HDAC9: variants seen among roughly 807,000 people sequenced by gnomAD.
HDAC9 encodes MEF-2 interacting transcription repressor (MITR) protein.
A neutral mutation model predicts 139.4 loss-of-function variants in HDAC9; 41 were observed. The ratio of observed to expected loss-of-function variants is 0.29; its 90% CI spans 0.23 to 0.38. HDAC9 has a LOEUF of 0.38. Among genes scored for constraint, HDAC9 ranks in the 10% least tolerant of loss-of-function variants. The pLI, the probability that HDAC9 is intolerant of heterozygous loss-of-function variation, is 1.00. For synonymous variants in HDAC9, 517 were observed against 476.2 expected, an observed-to-expected ratio of 1.09 and a Z score of -1.12; for missense variants, 1,147 against 1,297.0, an observed-to-expected ratio of 0.88 and a Z score of 1.78.
chr7:18,957,735 C>T (rs1585406952), intron 24 of HDAC9, among the ~76,000 whole-genome samples: 4 of 152,260 alleles, frequency 2.6e-5, no homozygotes, highest in Middle Eastern at 3.4e-3. Context: ...TGAAGGTAGT[C>T]CTTGTTCAAC....
chr7:18,258,680 A>G (rs1428579731), intron 2 of HDAC9, among the ~76,000 whole-genome samples: 1 of 152,224 alleles, frequency 6.6e-6, no homozygotes, highest in African/African-American at 2.4e-5. Context: ...TTACAAAGTT[A>G]AGAATTGAAC....
chr7:18,954,282 A>G, intron 24 of HDAC9, 52 bp downstream of exon 24: 1 of 1,116,936 alleles, frequency 9.0e-7, no homozygotes, highest in Non-Finnish European at 1.3e-6. Context: ...ACTAACTAAA[A>G]TTATATTGAA....
chr7:18,106,349 C>G (rs755004026), intron 1 of HDAC9, among the ~76,000 whole-genome samples: 2 of 152,144 alleles, frequency 1.3e-5, no homozygotes, highest in Non-Finnish European at 2.9e-5. Flanking sequence ...CTTTGTCTTT[C>G]CATATCCATT....
chr7:18,735,011 ATC>A (rs1417715949), intron 13 of HDAC9, among the ~76,000 whole-genome samples: 1 of 152,048 alleles, frequency 6.6e-6, no homozygotes, highest in African/African-American at 2.4e-5. Context: ...TTTTTCATGT[ATC>A]TGTTGGCTGC....
chr7:18,686,362 A>C (rs536865404), intron 12 of HDAC9, among the ~76,000 whole-genome samples: 1 of 152,146 alleles, frequency 6.6e-6, no homozygotes, highest in African/African-American at 2.4e-5. Flanking sequence ...TCAGTCAGGA[A>C]GTCACTGTAT....
chr7:18,146,006 T>G (rs547639952), intron 1 of HDAC9, among the ~76,000 whole-genome samples: 2 of 152,108 alleles, frequency 1.3e-5, no homozygotes, highest in East Asian at 3.9e-4. Flanking sequence ...TATATAAGAC[T>G]GTTGATTCAC....
At chr7:18,383,711 T>G (rs550349239) in intron 1 of HDAC9, among the ~76,000 whole-genome samples, 2 of 150,156 alleles carry the variant, frequency 1.3e-5, no homozygotes, top group Admixed American at 6.6e-5. Flanking sequence ...GATGACCCCG[T>G]CTCTACTAAA....
At chr7:18,752,094 T>A (rs1296062517) in intron 14 of HDAC9, among the ~76,000 whole-genome samples, 1 of 152,202 alleles carries the variant, frequency 6.6e-6, no homozygotes, top group Non-Finnish European at 1.5e-5. Context: ...CTAAACTTTC[T>A]ATTTCATGCC....
chr7:18,977,295 TTGTC>T (rs1563100254), intron 25 of HDAC9, among the ~76,000 whole-genome samples: 1 of 152,180 alleles, frequency 6.6e-6, no homozygotes, highest in Non-Finnish European at 1.5e-5. Context: ...AAACAGTTAG[TTGTC>T]TGTCATCTGA....
intron 2 of HDAC9, among the ~76,000 whole-genome samples, chr7:18,535,265 T>C (rs1277697380): frequency 6.6e-6 from 1 of 152,154 alleles, no homozygotes; most frequent in Non-Finnish European, 1.5e-5. Context: ...ATGCATTTGG[T>C]CAATCCATCA....
Position 18,360,682 on chromosome 7 carries a change from C to A in HDAC9, c.-42+70167C>A, listed in dbSNP as rs369280144. On this transcript the variant is annotated intron_variant, in intron 1 of 3. Coordinates refer to the HDAC9 transcript ENST00000413509. Reference sequence around the variant, plus strand: ...ATATATTCCTTTCATTTAGTTACTACAGCACTCTTGGCACCACTCATTTCA... The same window carrying A: ...ATATATTCCTTTCATTTAGTTACTAAAGCACTCTTGGCACCACTCATTTCA... Among the ~76,000 whole-genome samples the A allele has an allele frequency of 2.7e-3, 418 of 152,274 alleles. 5 individuals carry two copies. The South Asian group carries it at 0.029, about 11-fold the overall frequency.
At chr7:18,826,288 C>T (rs1221347835) in intron 17 of HDAC9, among the ~76,000 whole-genome samples, 1 of 152,150 alleles carries the variant, frequency 6.6e-6, no homozygotes, top group African/African-American at 2.4e-5. Context: ...ACTCTGCCTT[C>T]TGCTGCAGGC....
At chr7:18,836,392 T>G (rs375845026) in intron 21 of HDAC9, among the ~76,000 whole-genome samples, 36 of 152,304 alleles carry the variant, frequency 2.4e-4, no homozygotes, top group African/African-American at 7.7e-4. Flanking sequence ...ACAGAATCCC[T>G]TTTTTACATA....
intron 1 of HDAC9, among the ~76,000 whole-genome samples, chr7:18,303,014 T>A (rs1562855625): frequency 4.6e-5 from 7 of 152,236 alleles, no homozygotes; most frequent in Admixed American, 3.3e-4. Flanking sequence ...TGTTTTTTTT[T>A]ATGACTTTTC....
intron 13 of HDAC9, among the ~76,000 whole-genome samples, chr7:18,733,237 A>C (rs1043552258): frequency 1.2e-4 from 18 of 148,692 alleles, no homozygotes; most frequent in East Asian, 4.0e-4. Context: ...ACATATATAC[A>C]TGTGTATATA....
chr7:18,202,967 A>G (rs1381083011), intron 2 of HDAC9, among the ~76,000 whole-genome samples: 1 of 152,192 alleles, frequency 6.6e-6, no homozygotes, highest in Non-Finnish European at 1.5e-5. Context: ...TCTTGTGAGG[A>G]TTAAATGGAT....
chr7:18,684,892 T>C (rs1307448512), intron 12 of HDAC9, among the ~76,000 whole-genome samples: 3 of 152,070 alleles, frequency 2.0e-5, no homozygotes, highest in Admixed American at 6.6e-5. Context: ...TCTAGTTTTT[T>C]ATCACATCAT....
chr7:18,580,095 G>A (rs911633311), intron 2 of HDAC9, among the ~76,000 whole-genome samples: 2 of 152,148 alleles, frequency 1.3e-5, no homozygotes, highest in Non-Finnish European at 2.9e-5. Context: ...ATTATCCTTA[G>A]TACTCTGAAT....
intron 2 of HDAC9, among the ~76,000 whole-genome samples, chr7:18,501,024 A>G (rs1798223564): frequency 6.6e-6 from 1 of 152,162 alleles, no homozygotes; most frequent in Admixed American, 6.6e-5. Flanking sequence ...AAAGGTTTGA[A>G]AAAAATCAGA....
Sources: gnomAD v4.1 joint callset for allele counts (sites outside exome capture counted in the v4.1 genomes callset) on GRCh38, gnomAD v4.1.1 for gene constraint, MANE v1.5 for transcripts, NCBI Gene and HGNC (gene_info 2026-07-23, HGNC 2026-07-21) for gene names.